Variants in GPNMB observed in about 807,000 individuals in gnomAD.
GPNMB encodes the protein transmembrane glycoprotein NMB.
Under a neutral mutation model 57.3 loss-of-function variants are expected in GPNMB, and 71 were observed. The ratio of observed to expected loss-of-function variants is 1.24; its 90% CI spans 1.02 to 1.51. The LOEUF (loss-of-function observed/expected upper bound fraction) is 1.51, where lower values mean the gene tolerates loss of function less well. Ranked by LOEUF, GPNMB falls within the 40% of genes most tolerant of loss-of-function variation. GPNMB has a pLI of 0.00. For synonymous variants in GPNMB, 253 were observed against 263.2 expected (o/e 0.96, Z 0.38); for missense variants, 677 against 691.9 (o/e 0.98, Z 0.24).
In GPNMB at chr7:23,265,229, C is replaced by T. The variant is rs1037634490; in HGVS notation, c.1019-1288C>T. ...CAGGAAAATCACAGGGATGTTCACCCGCTGACGATTCTGAGAAGCCCTGGG... is the reference window on the plus strand; with the variant it reads ...CAGGAAAATCACAGGGATGTTCACCTGCTGACGATTCTGAGAAGCCCTGGG... On this transcript the variant is annotated intron_variant, in intron 6 of 10. Coordinates refer to ENST00000258733, the MANE Select transcript of GPNMB (RefSeq NM_002510.3). Among the ~76,000 whole-genome samples the T allele has an allele frequency of 6.6e-5, 10 of 152,296 alleles. No individual in the cohort carries two copies. The East Asian group carries it at 1.7e-3, about 26-fold the overall frequency.
rs1242791101 is a variant in GPNMB, at chr7:23,269,910, C to T, written c.1221-57C>T. The T allele has an allele frequency of 7.0e-6, 8 of 1,150,824 alleles. No homozygotes were observed. The African/African-American group carries it at 1.1e-4, about 15-fold the overall frequency. 71.3% of individuals were successfully genotyped at this position (1,150,824 alleles called of 1,614,324 possible). A position where few individuals can be genotyped will look rare whatever the true frequency, so the allele number is the denominator to read the frequency against. On this transcript the variant is annotated intron_variant, in intron 8 of 10. Coordinates refer to ENST00000258733, the MANE Select transcript of GPNMB (RefSeq NM_002510.3). The stretch of plus-strand genomic sequence containing the variant: ...TTTCCCTTTGTAAAATGGATCTGAC[C>T]TTCCTCTCTCCCCTTCTCTGTGCCC...
rs1309837771 is a variant in GPNMB, at chr7:23,274,764, T to C, written c.*540T>C. ...TTGCTAGACTCAGAAAAAATACTAC[T>C]CTCATAAATGGGTGGGAGTATTTTG... On this transcript the variant is annotated 3_prime_UTR_variant, in exon 11 of 11. Coordinates refer to ENST00000258733, the MANE Select transcript of GPNMB (RefSeq NM_002510.3). The C allele has an allele frequency of 6.6e-6, 1 of 152,238 alleles. No individual in the cohort carries two copies. The highest frequency in any genetic ancestry group is 1.5e-5 in the Non-Finnish European group (1 of 68,066). The allele number at this position is 152,238 out of a possible 1,614,324, so 9.4% of individuals were successfully genotyped here. A position where few individuals can be genotyped will look rare whatever the true frequency, so the allele number is the denominator to read the frequency against.
chr7:23,259,474 G>A (rs894550234), intron 4 of GPNMB, among the ~76,000 whole-genome samples: 1 of 152,048 alleles, frequency 6.6e-6, no homozygotes. Flanking sequence ...GAGCTACCGC[G>A]CCCAGCCACT....
At chr7:23,267,755 A>G (rs1227953551) in intron 7 of GPNMB, 131 bp from the exon 8 acceptor site, 3 of 705,888 alleles carry the variant, frequency 4.2e-6, no homozygotes, top group Non-Finnish European at 7.5e-6. Context: ...TCCTAATGCT[A>G]TCACCTTGGG....
intron 6 of GPNMB, among the ~76,000 whole-genome samples, chr7:23,261,391 T>C (rs995733644): frequency 6.6e-6 from 1 of 152,184 alleles, no homozygotes; most frequent in African/African-American, 2.4e-5. Flanking sequence ...CAAATGTCCA[T>C]CAATGATAGA....
chr7:23,259,702 A>G (rs973863697), intron 4 of GPNMB, among the ~76,000 whole-genome samples: 3 of 152,194 alleles, frequency 2.0e-5, no homozygotes, highest in African/African-American at 7.2e-5. Flanking sequence ...CACAAACAGC[A>G]TTTATTTGTA....
chr7:23,259,466 G>C (rs1455043547), intron 4 of GPNMB, among the ~76,000 whole-genome samples: 1 of 152,172 alleles, frequency 6.6e-6, no homozygotes, highest in Admixed American at 6.5e-5. Context: ...ACAGGCATGA[G>C]CTACCGCGCC....
intron 5 of GPNMB, 50 bp from the exon 6 acceptor site, chr7:23,260,406 C>T: frequency 7.1e-7 from 1 of 1,401,842 alleles, no homozygotes; most frequent in Non-Finnish European, 9.9e-7. Flanking sequence ...CCTCCACTTA[C>T]AATCAAGCAA....
chr7:23,253,476 A>G lies in GPNMB; in HGVS notation c.223+17A>G. On this transcript the variant is annotated intron_variant, in intron 2 of 10. Coordinates refer to ENST00000258733, the MANE Select transcript of GPNMB (RefSeq NM_002510.3). ...CCTGGAAGGGTAAGTCAAAAGATTCAAACCAAACACCTGCAATTTCCTACT... is the reference window on the plus strand; with the variant it reads ...CCTGGAAGGGTAAGTCAAAAGATTCGAACCAAACACCTGCAATTTCCTACT... 6.2e-7 allele frequency: 1 copy of G among 1,608,428 alleles called. No homozygotes were observed.
chr7:23,265,168 G>T (rs1783027264), intron 6 of GPNMB, among the ~76,000 whole-genome samples: 1 of 152,196 alleles, frequency 6.6e-6, no homozygotes, highest in Non-Finnish European at 1.5e-5. Context: ...TTCTAGACCT[G>T]TTCTGAGAAC....
At chr7:23,263,044 T>A (rs1010133339) in intron 6 of GPNMB, among the ~76,000 whole-genome samples, 5 of 152,182 alleles carry the variant, frequency 3.3e-5, no homozygotes, top group African/African-American at 1.2e-4. Flanking sequence ...ATTTTTTTTA[T>A]CTACAACTAT....
chr7:23,272,104 T>C (rs1200183089), intron 9 of GPNMB, among the ~76,000 whole-genome samples: 1 of 152,198 alleles, frequency 6.6e-6, no homozygotes, highest in Non-Finnish European at 1.5e-5. Context: ...TGGACTCGGA[T>C]GCAGTCACCA....
chr7:23,267,045 G>A lies in GPNMB; in HGVS notation c.1117+430G>A, dbSNP rs77654183. Among the ~76,000 whole-genome samples the A allele has an allele frequency of 1.0e-2, 1,520 of 152,334 alleles. 30 individuals are homozygous for A. The highest frequency in any genetic ancestry group is 0.035 in the African/African-American group (1,436 of 41,576). On this transcript the variant is annotated intron_variant, in intron 7 of 10. Coordinates refer to ENST00000258733, the MANE Select transcript of GPNMB (RefSeq NM_002510.3). Reference sequence around the variant, plus strand: ...ACACATGGCTGTGCATTTGGGCACAGCCCTAAGGCATACAACAGAGAAGAC... The same window carrying A: ...ACACATGGCTGTGCATTTGGGCACAACCCTAAGGCATACAACAGAGAAGAC...
intron 10 of GPNMB, 112 bp from the exon 11 acceptor site, chr7:23,273,953 A>G: frequency 5.0e-6 from 4 of 797,868 alleles, no homozygotes; most frequent in East Asian, 5.1e-5. Flanking sequence ...CAAACTGTCA[A>G]TCATGTTAAA....
chr7:23,265,576 T>A (rs111754448), intron 6 of GPNMB, among the ~76,000 whole-genome samples: 4,200 of 152,210 alleles, frequency 0.028, 184 homozygotes, highest in African/African-American at 0.089. Flanking sequence ...AGTAAGACTT[T>A]TAGAATTTAA....
intron 9 of GPNMB, among the ~76,000 whole-genome samples, chr7:23,272,632 A>C (rs1783237354): frequency 6.6e-6 from 1 of 152,234 alleles, no homozygotes; most frequent in South Asian, 2.1e-4. Flanking sequence ...GCAAACCTAT[A>C]GACTTTAGTT....
Position 23,254,234 on chromosome 7 carries a change from G to A in GPNMB, c.289G>A (p.Ala97Thr). 2 of 1,613,924 alleles carry A rather than the reference G, an allele frequency of 1.2e-6. No individual in the cohort carries two copies. ...CCTCGTGGGCTCAAATATAACATTT[G>A]CGGTGAACCTGATATTCCCTAGATG... ...PALVGSNITF[A>T]VNLIFPRCQK... The change falls in exon 3 of 11, where the codon GCG becomes ACG. Residue 97 changes from alanine (A) to threonine (T), a missense_variant. By Grantham distance (58) the Ala-to-Thr change is moderately conservative (BLOSUM62 0). Transcript: ENST00000258733.
rs1783155862 is a variant in GPNMB at position 23,269,869 on chromosome 7, A to G, written c.1221-98A>G. Reference sequence around the variant, plus strand: ...TAACAATGAGGTGGAATTCAATTTCATAGAAATGTAATGACTTTCCCTTTG... The same window carrying G: ...TAACAATGAGGTGGAATTCAATTTCGTAGAAATGTAATGACTTTCCCTTTG... On this transcript the variant is annotated intron_variant, in intron 8 of 10. Transcript: ENST00000258733. 3 of 783,616 alleles carry G rather than the reference A, an allele frequency of 3.8e-6. No homozygotes were observed. In the South Asian group the frequency reaches 4.8e-5, roughly 12 times the overall value. The allele number at this position is 783,616 out of a possible 1,614,324, so 48.5% of individuals were successfully genotyped here.
chr7:23,247,906 C>A (rs1782571746), intron 1 of GPNMB: 1 of 152,378 alleles, frequency 6.6e-6, no homozygotes, highest in Non-Finnish European at 1.5e-5. Context: ...TAGCAGCCCG[C>A]GGAGCCCGGC....
Sources: gnomAD v4.1 joint callset for allele counts (sites outside exome capture counted in the v4.1 genomes callset) on GRCh38, gnomAD v4.1.1 for gene constraint, MANE v1.5 for transcripts, NCBI Gene and HGNC (gene_info 2026-07-23, HGNC 2026-07-21) for gene names.